Variants in GRIN2B observed in about 807,000 individuals in gnomAD.
The protein encoded by GRIN2B is glutamate ionotropic receptor NMDA type subunit 2B, also known as glutamate receptor ionotropic, NMDA 2B.
A neutral mutation model predicts 114.5 loss-of-function variants in GRIN2B; 5 were observed. The ratio of observed to expected loss-of-function variants is 0.04; its 90% CI spans 0.02 to 0.09. The LOEUF (loss-of-function observed/expected upper bound fraction) is 0.09. GRIN2B is among the 10% of genes least tolerant of loss of function. The probability of loss-of-function intolerance (pLI) is 1.00; values close to 1 mark genes in which losing one functional copy is unlikely to be tolerated. For synonymous variants in GRIN2B, 787 were observed against 745.1 expected, an observed-to-expected ratio of 1.06 and a Z score of -0.92; for missense variants, 1,108 against 1,943.5, an observed-to-expected ratio of 0.57 and a Z score of 8.08.
rs201560542 is a variant in GRIN2B at position 13,616,438 on chromosome 12, T to C, written c.1328+17A>G. On this transcript the variant is annotated intron_variant, in intron 6 of 13. Transcript: ENST00000609686. ...GACTCTCCCATGCCACCCAAAGTCA[T>C]TGAGAGGATGCCATACTCAGTGACT... 260 of 1,596,352 alleles carry C rather than the reference T, an allele frequency of 1.6e-4. 1 individual carries two copies. In the East Asian group the frequency reaches 5.2e-3, roughly 32 times the overall value.
intron 3 of GRIN2B, among the ~76,000 whole-genome samples, chr12:13,771,859 A>T (rs1427657574): frequency 6.6e-6 from 1 of 152,356 alleles, no homozygotes; most frequent in East Asian, 1.9e-4. Flanking sequence ...GATCAAAAAC[A>T]CAGCTTCCGA....
chr12:13,865,359 C>T (rs1021983360), intron 3 of GRIN2B, among the ~76,000 whole-genome samples: 2 of 152,150 alleles, frequency 1.3e-5, no homozygotes, highest in African/African-American at 2.4e-5. Flanking sequence ...TAAGCATGCA[C>T]GGTGGCTCAC....
At chr12:13,839,200 C>T (rs934677140) in intron 3 of GRIN2B, among the ~76,000 whole-genome samples, 1 of 152,200 alleles carries the variant, frequency 6.6e-6, no homozygotes, top group South Asian at 2.1e-4. Context: ...TCTACAGTAG[C>T]CTGGCAGGCT....
At chr12:13,800,923 T>C (rs1265639408) in intron 3 of GRIN2B, among the ~76,000 whole-genome samples, 1 of 152,210 alleles carries the variant, frequency 6.6e-6, no homozygotes, top group Non-Finnish European at 1.5e-5. Flanking sequence ...GGTCTATATA[T>C]GTTATTTACC....
At chr12:13,678,031 C>T (rs751007059) in intron 4 of GRIN2B, among the ~76,000 whole-genome samples, 3 of 152,110 alleles carry the variant, frequency 2.0e-5, no homozygotes, top group Admixed American at 1.3e-4. Context: ...AATGACCCTA[C>T]TGTCTAAGAA....
chr12:13,943,032 G>T (rs145481257), intron 2 of GRIN2B, among the ~76,000 whole-genome samples: 1 of 152,106 alleles, frequency 6.6e-6, no homozygotes, highest in East Asian at 1.9e-4. Flanking sequence ...GGTATGGGGT[G>T]GGGGTGGAGC....
At chr12:13,717,083 G>A (rs1950462215) in intron 4 of GRIN2B, among the ~76,000 whole-genome samples, 1 of 143,584 alleles carries the variant, frequency 7.0e-6, no homozygotes, top group African/African-American at 3.0e-5. Context: ...GTGTGTGTGT[G>A]TGTGTGTGTG....
At chr12:13,690,569 C>A (rs1361391962) in intron 4 of GRIN2B, among the ~76,000 whole-genome samples, 4 of 152,002 alleles carry the variant, frequency 2.6e-5, no homozygotes, top group Admixed American at 2.6e-4. Flanking sequence ...AAACTTCTCC[C>A]TTTTGATGTT....
intron 4 of GRIN2B, among the ~76,000 whole-genome samples, chr12:13,724,078 C>T (rs1359145038): frequency 6.6e-6 from 1 of 152,132 alleles, no homozygotes; most frequent in Non-Finnish European, 1.5e-5. Flanking sequence ...AAAAGCTCCT[C>T]CCCTCTTGCC....
intron 10 of GRIN2B, among the ~76,000 whole-genome samples, chr12:13,575,068 C>G (rs1948756778): frequency 6.6e-6 from 1 of 152,136 alleles, no homozygotes; most frequent in South Asian, 2.1e-4. Flanking sequence ...GATCATATAT[C>G]TAAAATGTAA....
At chr12:13,693,050 G>A (rs1950228861) in intron 4 of GRIN2B, among the ~76,000 whole-genome samples, 1 of 152,044 alleles carries the variant, frequency 6.6e-6, no homozygotes, top group Non-Finnish European at 1.5e-5. Context: ...TTACAGGCGT[G>A]AGCCACTGCA....
intron 3 of GRIN2B, among the ~76,000 whole-genome samples, chr12:13,842,917 CTTTT>C (rs201344138): frequency 1.3e-4 from 13 of 103,220 alleles, no homozygotes; most frequent in Admixed American, 7.0e-4. Flanking sequence ...ATTGGTTTTT[CTTTT>C]TTTTTTTTTT....
intron 2 of GRIN2B, among the ~76,000 whole-genome samples, chr12:13,888,991 AC>A (rs1009321923): frequency 2.0e-5 from 3 of 152,104 alleles, no homozygotes; most frequent in Non-Finnish European, 2.9e-5. Context: ...GCTTACTATA[AC>A]TTTTTTACTT....
At chr12:13,586,776 C>T (rs891486589) in intron 10 of GRIN2B, among the ~76,000 whole-genome samples, 2 of 152,208 alleles carry the variant, frequency 1.3e-5, no homozygotes, top group Non-Finnish European at 2.9e-5. Flanking sequence ...TTCTTATCTA[C>T]ATTACCCTCT....
chr12:13,594,469 A>T (rs1373525004), intron 10 of GRIN2B, among the ~76,000 whole-genome samples: 1 of 151,140 alleles, frequency 6.6e-6, no homozygotes, highest in Non-Finnish European at 1.5e-5. Context: ...GTGGGAGTTG[A>T]GCAATGAGAA....
At chr12:13,881,011 TGTGCGCGTGCGCGCACGCATGTGC>T (rs1866063833) in intron 2 of GRIN2B, among the ~76,000 whole-genome samples, 1 of 119,440 alleles carries the variant, frequency 8.4e-6, no homozygotes, top group South Asian at 2.4e-4. Context: ...TGTGTGTGTG[TGTGCGCGTGCGCGCACGCATGTGC>T]GCAGGTGTGC....
At chr12:13,700,954 T>C (rs1272634829) in intron 4 of GRIN2B, among the ~76,000 whole-genome samples, 1 of 152,148 alleles carries the variant, frequency 6.6e-6, no homozygotes, top group Admixed American at 6.6e-5. Flanking sequence ...ACTGGGTAAT[T>C]TTTAAAGAAA....
chr12:13,540,921 C>T lies in GRIN2B; in HGVS notation c.*21862G>A, dbSNP rs1047932219. On this transcript the variant is annotated 3_prime_UTR_variant, in exon 14 of 14. Coordinates refer to ENST00000609686, the MANE Select transcript of GRIN2B (RefSeq NM_000834.5). ...AAAGCTATGACCATTTCCCCTCTGCCATGTGACTTTGGGAGGGGTGCAGCT... is the reference window on the plus strand; with the variant it reads ...AAAGCTATGACCATTTCCCCTCTGCTATGTGACTTTGGGAGGGGTGCAGCT... The T allele has an allele frequency of 6.6e-6, 1 of 152,228 alleles. No homozygotes were observed. The highest frequency in any genetic ancestry group is 2.4e-5 in the African/African-American group (1 of 41,416). 9.4% of individuals were successfully genotyped at this position (152,228 alleles called of 1,614,324 possible).
At chr12:13,779,119 C>G (rs568075595) in intron 3 of GRIN2B, among the ~76,000 whole-genome samples, 2 of 152,206 alleles carry the variant, frequency 1.3e-5, no homozygotes, top group Non-Finnish European at 2.9e-5. Context: ...TGCACTCTCA[C>G]TGCAACCTCC....
Sources: gnomAD v4.1 joint callset for allele counts (sites outside exome capture counted in the v4.1 genomes callset) on GRCh38, gnomAD v4.1.1 for gene constraint, MANE v1.5 for transcripts, NCBI Gene and HGNC (gene_info 2026-07-23, HGNC 2026-07-21) for gene names.